Variants in AGAP1 observed in about 807,000 individuals in gnomAD.
The protein encoded by AGAP1 is ArfGAP with GTPase domain, ankyrin repeat and PH domain 1.
A neutral mutation model predicts 105.3 loss-of-function variants in AGAP1; 29 were observed. That is an observed-to-expected ratio of 0.28 (90% CI 0.21 to 0.38). The LOEUF is 0.38. Among genes scored for constraint, AGAP1 ranks in the 10% least tolerant of loss-of-function variants. AGAP1 has a pLI of 1.00. For synonymous variants in AGAP1, 509 were observed against 485.9 expected (o/e 1.05, Z -0.63); for missense variants, 998 against 1,165.1 (o/e 0.86, Z 2.09).
At position 235,801,600 on chromosome 2, in the gene AGAP1, G is replaced by C. The variant is rs73998922; in HGVS notation, c.957+2078G>C. Among the ~76,000 whole-genome samples the C allele has an allele frequency of 0.026, 3,917 of 152,050 alleles. 174 individuals are homozygous for C. The highest frequency in any genetic ancestry group is 0.09 in the African/African-American group (3,727 of 41,450). The stretch of plus-strand genomic sequence containing the variant: ...AGCCCCTGTCTACCCCCAGGCTGGG[G>C]GGCTTTGGGTTGAAGTGTTTCCTGC... On this transcript the variant is annotated intron_variant, in intron 8 of 17. Coordinates refer to ENST00000304032, the MANE Select transcript of AGAP1 (RefSeq NM_001037131.3). The surrounding 1 kb of genome is among the most constrained non-coding windows in gnomAD (Gnocchi z 6.0).
intron 12 of AGAP1, among the ~76,000 whole-genome samples, chr2:235,956,041 C>G (rs553813231): frequency 6.6e-6 from 1 of 152,284 alleles, no homozygotes; most frequent in African/African-American, 2.4e-5. Context: ...AATTACCTTC[C>G]TGATTTAATT....
chr2:235,627,857 T>C (rs1053182801), intron 1 of AGAP1, among the ~76,000 whole-genome samples: 9 of 152,174 alleles, frequency 5.9e-5, no homozygotes, highest in African/African-American at 2.2e-4. Flanking sequence ...CAAACAGAGA[T>C]GGGACAAGGT....
At chr2:235,572,506 G>A (rs1041952187) in intron 1 of AGAP1, among the ~76,000 whole-genome samples, 5 of 151,978 alleles carry the variant, frequency 3.3e-5, no homozygotes, top group African/African-American at 4.8e-5. Flanking sequence ...TGCCTCCTGC[G>A]TCCTTTGCAC....
At chr2:235,781,764 G>A (rs1956277011) in intron 6 of AGAP1, among the ~76,000 whole-genome samples, 1 of 152,082 alleles carries the variant, frequency 6.6e-6, no homozygotes, top group African/African-American at 2.4e-5. Context: ...TACCCAAATA[G>A]CAAATTATTG....
intron 9 of AGAP1, among the ~76,000 whole-genome samples, chr2:235,821,477 G>A (rs1958785359): frequency 1.3e-5 from 2 of 149,880 alleles, no homozygotes; most frequent in Admixed American, 6.8e-5. Flanking sequence ...TCTGCCTCCC[G>A]GGTTCACACC....
intron 16 of AGAP1, among the ~76,000 whole-genome samples, chr2:236,064,455 G>A (rs1042354427): frequency 1.3e-5 from 2 of 152,146 alleles, no homozygotes; most frequent in African/African-American, 4.8e-5. Flanking sequence ...AATTGGCCAG[G>A]CATAGTGGCA....
chr2:235,939,310 G>A (rs532895089), intron 12 of AGAP1, among the ~76,000 whole-genome samples: 1 of 152,052 alleles, frequency 6.6e-6, no homozygotes, highest in South Asian at 2.1e-4. Context: ...TGCCTCTCCA[G>A]CCTCTGGAGC....
At position 235,752,681 on chromosome 2, in the gene AGAP1, T is replaced by G. The variant is rs75509806; in HGVS notation, c.673+2193T>G. On this transcript the variant is annotated intron_variant, in intron 6 of 17. Coordinates refer to ENST00000304032, the MANE Select transcript of AGAP1 (RefSeq NM_001037131.3). The surrounding 1 kb of genome is among the most constrained non-coding windows in gnomAD (Gnocchi z 4.3). The stretch of plus-strand genomic sequence containing the variant: ...ACTCAGTTGTCTGGATAAGTTTAGT[T>G]TCCACAGTGACTCCTTTGCTTTTGT... Among the ~76,000 whole-genome samples, 376 of 152,300 alleles carry G rather than the reference T, an allele frequency of 2.5e-3. 1 individual carries two copies. Among genetic ancestry groups the G allele is most frequent in the African/African-American group, 8.8e-3 (365 of 41,562 alleles).
In AGAP1 at chr2:235,936,180, A is replaced by G. The variant is rs1318212911; in HGVS notation, c.1483+5257A>G. On this transcript the variant is annotated intron_variant, in intron 12 of 17. Coordinates refer to ENST00000304032, the MANE Select transcript of AGAP1 (RefSeq NM_001037131.3). This position sits in a 1 kb window ranked among gnomAD's most constrained non-coding sequence, Gnocchi z 4.7. ...TGTTAATACTGCATTTCTTCACGTG[A>G]CTCTTCCATGTGGCTCTTGAGCCTC... 6.6e-6 allele frequency among the ~76,000 whole-genome samples: 1 copy of G among 151,170 alleles called. No homozygotes were observed. Among genetic ancestry groups the G allele is most frequent in the Non-Finnish European group, 1.5e-5 (1 of 67,806 alleles).
In AGAP1 at chr2:235,990,664, C is replaced by CA. The variant is rs149042168; in HGVS notation, c.1645+22042dup. Reference sequence around the variant, plus strand: ...CTCTGTGACCTTGCCTCAGAGGACACAGAGTGTCAATTTTACTCCATCTGT... The same window carrying CA: ...CTCTGTGACCTTGCCTCAGAGGACACAAGAGTGTCAATTTTACTCCATCTGT... On this transcript the variant is annotated intron_variant, in intron 13 of 17. Coordinates refer to ENST00000304032, the MANE Select transcript of AGAP1 (RefSeq NM_001037131.3). Among the ~76,000 whole-genome samples, 1,113 of 152,268 alleles carry CA rather than the reference C, an allele frequency of 7.3e-3. 8 individuals are homozygous for CA. Among genetic ancestry groups the CA allele is most frequent in the Middle Eastern group, 0.017 (5 of 294 alleles).
intron 9 of AGAP1, among the ~76,000 whole-genome samples, chr2:235,869,580 G>A (rs952326607): frequency 7.2e-5 from 11 of 152,124 alleles, no homozygotes; most frequent in Admixed American, 1.3e-4. Flanking sequence ...CAGCCTGAGC[G>A]ACAGAGCGAG....
At position 235,836,097 on chromosome 2, in the gene AGAP1, A is replaced by G. The variant is rs184313384; in HGVS notation, c.1050+28766A>G. On this transcript the variant is annotated intron_variant, in intron 9 of 17. Coordinates refer to ENST00000304032, the MANE Select transcript of AGAP1 (RefSeq NM_001037131.3). ...AAATGAGCTTTGTGTGTTTGTCAGT[A>G]TAACTGGCTCATGCATTTTGTAAGG... Among the ~76,000 whole-genome samples the G allele has an allele frequency of 3.9e-5, 6 of 152,374 alleles. No homozygotes were observed. The East Asian group carries it at 9.6e-4, about 24-fold the overall frequency.
Position 235,931,297 on chromosome 2 carries a change from C to T in AGAP1, c.1483+374C>T, listed in dbSNP as rs2052709025. 6.6e-6 allele frequency among the ~76,000 whole-genome samples: 1 copy of T among 152,144 alleles called. No homozygotes were observed. The highest frequency in any genetic ancestry group is 2.4e-5 in the African/African-American group (1 of 41,432). On this transcript the variant is annotated intron_variant, in intron 12 of 17. Coordinates refer to ENST00000304032, the MANE Select transcript of AGAP1 (RefSeq NM_001037131.3). This position sits in a 1 kb window ranked among gnomAD's most constrained non-coding sequence, Gnocchi z 5.6. The stretch of plus-strand genomic sequence containing the variant: ...TCACACTGCCCTACGTGGCGTGGCC[C>T]ACACTCTTCCACCACTAGTGCACAT...
chr2:235,966,849 C>T (rs998310734), intron 12 of AGAP1, among the ~76,000 whole-genome samples: 1 of 152,098 alleles, frequency 6.6e-6, no homozygotes, highest in Non-Finnish European at 1.5e-5. Flanking sequence ...TGCCTTAGGG[C>T]GGCCAGGAAC....
At chr2:235,756,245 C>A (rs1257037549) in intron 6 of AGAP1, among the ~76,000 whole-genome samples, 1 of 152,186 alleles carries the variant, frequency 6.6e-6, no homozygotes, top group Non-Finnish European at 1.5e-5. Context: ...CACAGAGGAA[C>A]ACAGGGGCCT....
At chr2:235,673,792 T>A (rs1020383578) in intron 1 of AGAP1, among the ~76,000 whole-genome samples, 2 of 152,208 alleles carry the variant, frequency 1.3e-5, no homozygotes, top group African/African-American at 4.8e-5. Context: ...TAAAGGAAAT[T>A]AGAAGTGACC....
rs990165887 is a variant in AGAP1 at position 236,113,266 on chromosome 2, G to A, written c.2115-6926G>A. Among the ~76,000 whole-genome samples the A allele has an allele frequency of 6.6e-5, 10 of 152,036 alleles. No homozygotes were observed. The highest frequency in any genetic ancestry group is 1.0e-4 in the Non-Finnish European group (7 of 67,982). On this transcript the variant is annotated intron_variant, in intron 16 of 17. Coordinates refer to ENST00000304032, the MANE Select transcript of AGAP1 (RefSeq NM_001037131.3). This position sits in a 1 kb window ranked among gnomAD's most constrained non-coding sequence, Gnocchi z 4.3. ...AGCAATTCTCTGCCTCAGCCCCCCC[G>A]AGTAGCTGGGATTACAGGCATCCGC...
At chr2:235,606,945 GAAAAAAAAA>G (rs5839603) in intron 1 of AGAP1, among the ~76,000 whole-genome samples, 138 of 61,952 alleles carry the variant, frequency 2.2e-3, no homozygotes, top group African/African-American at 7.5e-3. Flanking sequence ...ACTGCCTCTT[GAAAAAAAAA>G]AAAAAAAAAA....
At position 235,744,948 on chromosome 2, in the gene AGAP1, A is replaced by G. The variant is rs1575300386; in HGVS notation, c.538+109A>G. On this transcript the variant is annotated intron_variant, in intron 5 of 17. Transcript: ENST00000304032. The surrounding 1 kb of genome is among the most constrained non-coding windows in gnomAD (Gnocchi z 5.2). ...TAAAGAAGGAAAAATTGCCTACTGA[A>G]CGCTCACTTTTTTGGGAAAAATTAT... 6 of 1,344,546 alleles carry G rather than the reference A, an allele frequency of 4.5e-6. No homozygotes were observed. Among genetic ancestry groups the G allele is most frequent in the Non-Finnish European group, 5.0e-6 (5 of 994,622 alleles). 83.3% of individuals were successfully genotyped at this position (1,344,546 alleles called of 1,614,324 possible).
Sources: allele counts gnomAD v4.1 joint callset (sites outside exome capture counted in the v4.1 genomes callset), GRCh38; gene constraint gnomAD v4.1.1; non-coding constraint Gnocchi (gnomAD v3.1); transcripts MANE v1.5; gene names NCBI Gene and HGNC (gene_info 2026-07-23, HGNC 2026-07-21).